The following GNA14 variants were observed in gnomAD, a reference collection of about 807,000 sequenced individuals.
GNA14 encodes the protein guanine nucleotide-binding protein subunit alpha-14.
In GNA14, 50 loss-of-function variants were observed where a neutral mutation model predicts 42.0. The ratio of observed to expected loss-of-function variants is 1.19; its 90% CI spans 0.95 to 1.51. The LOEUF (loss-of-function observed/expected upper bound fraction) is 1.51. Ranked by LOEUF, GNA14 falls within the 40% of genes most tolerant of loss-of-function variation. GNA14 has a pLI of 0.00. For synonymous variants in GNA14, 173 were observed against 163.1 expected (o/e 1.06, Z -0.46); for missense variants, 473 against 446.2 (o/e 1.06, Z -0.54).
At chr9:77,574,040 T>C (rs932894159) in intron 1 of GNA14, among the ~76,000 whole-genome samples, 6 of 152,168 alleles carry the variant, frequency 3.9e-5, no homozygotes, top group African/African-American at 2.4e-5. Flanking sequence ...TATCATGCCA[T>C]GCATCTGTAA....
chr9:77,535,074 T>C (rs1837577377), intron 1 of GNA14, among the ~76,000 whole-genome samples: 1 of 152,168 alleles, frequency 6.6e-6, no homozygotes, highest in South Asian at 2.1e-4. Flanking sequence ...TTGTAATCTT[T>C]AGGAAGGAGC....
intron 1 of GNA14, among the ~76,000 whole-genome samples, chr9:77,544,850 G>C (rs1837701574): frequency 6.6e-6 from 1 of 151,956 alleles, no homozygotes; most frequent in Admixed American, 6.6e-5. Context: ...CCTCATTCTT[G>C]CAGAAACATT....
chr9:77,478,289 GTCCTTGTGATAGTT>G (rs1836470797), intron 2 of GNA14, among the ~76,000 whole-genome samples: 1 of 147,142 alleles, frequency 6.8e-6, no homozygotes, highest in Non-Finnish European at 1.5e-5. Flanking sequence ...TTGGTTTTTT[GTCCTTGTGATAGTT>G]TACTGAGAAT....
At chr9:77,508,576 T>C (rs2131748115) in intron 2 of GNA14, among the ~76,000 whole-genome samples, 1 of 152,294 alleles carries the variant, frequency 6.6e-6, no homozygotes, top group African/African-American at 2.4e-5. Context: ...TGTATATATG[T>C]GTGCGTGAGT....
chr9:77,452,594 G>GTA (rs1835926177), intron 2 of GNA14, among the ~76,000 whole-genome samples: 1 of 624 alleles, frequency 1.6e-3, no homozygotes, highest in Non-Finnish European at 3.1e-3. Flanking sequence ...ATGTGTGTGT[G>GTA]TGGTGTGTAT....
intron 1 of GNA14, among the ~76,000 whole-genome samples, chr9:77,635,720 A>C (rs972539203): frequency 2.0e-5 from 3 of 152,196 alleles, no homozygotes; most frequent in Non-Finnish European, 1.5e-5. Context: ...AATCAATGGC[A>C]TATCTCATAA....
intron 2 of GNA14, among the ~76,000 whole-genome samples, chr9:77,457,117 C>T (rs536372329): frequency 2.1e-4 from 32 of 152,286 alleles, no homozygotes; most frequent in African/African-American, 7.2e-4. Flanking sequence ...TCAGCCAGAA[C>T]GACGTAGCTA....
intron 1 of GNA14, among the ~76,000 whole-genome samples, chr9:77,536,391 C>T (rs571997855): frequency 2.0e-5 from 3 of 152,246 alleles, no homozygotes; most frequent in South Asian, 2.1e-4. Flanking sequence ...CGCTCTGTCG[C>T]GCAGGCTGGA....
At chr9:77,550,795 T>C (rs1292270040) in intron 1 of GNA14, among the ~76,000 whole-genome samples, 4 of 152,212 alleles carry the variant, frequency 2.6e-5, no homozygotes, top group Non-Finnish European at 5.9e-5. Context: ...GGTCAGGTTG[T>C]CCACAGGGGC....
intron 1 of GNA14, among the ~76,000 whole-genome samples, chr9:77,615,960 A>G (rs1823808092): frequency 6.6e-6 from 1 of 151,922 alleles, no homozygotes; most frequent in East Asian, 1.9e-4. Context: ...CATTATGGTC[A>G]CTGAAATACT....
intron 2 of GNA14, among the ~76,000 whole-genome samples, chr9:77,478,996 T>C (rs1459738703): frequency 6.6e-6 from 1 of 152,226 alleles, no homozygotes; most frequent in African/African-American, 2.4e-5. Context: ...ACTCTGATGG[T>C]AGTTTCTTTT....
chr9:77,527,188 C>T (rs1393238908), intron 2 of GNA14, among the ~76,000 whole-genome samples: 1 of 152,184 alleles, frequency 6.6e-6, no homozygotes, highest in Non-Finnish European at 1.5e-5. Flanking sequence ...ACATTCCTGC[C>T]TCTTCACTGA....
intron 5 of GNA14, among the ~76,000 whole-genome samples, chr9:77,427,646 C>G (rs1414992402): frequency 6.6e-6 from 1 of 152,248 alleles, no homozygotes; most frequent in East Asian, 1.9e-4. Context: ...TGTCCCCAAC[C>G]TGACAGAGAA....
intron 2 of GNA14, among the ~76,000 whole-genome samples, chr9:77,525,828 G>A (rs576604346): frequency 5.3e-5 from 8 of 149,598 alleles, no homozygotes; most frequent in East Asian, 4.1e-4. Flanking sequence ...GTGAGCCACC[G>A]CACCCGGCCG....
intron 2 of GNA14, among the ~76,000 whole-genome samples, chr9:77,445,552 GAAAAAAAAAAA>G (rs762651584): frequency 1.4e-4 from 8 of 55,972 alleles, no homozygotes; most frequent in South Asian, 6.9e-4. Context: ...TCTCTAAGAA[GAAAAAAAAAAA>G]AAAAAAAAAA....
intron 1 of GNA14, among the ~76,000 whole-genome samples, chr9:77,585,073 G>T (rs1050086257): frequency 2.6e-5 from 4 of 152,078 alleles, no homozygotes; most frequent in Non-Finnish European, 5.9e-5. Context: ...GAACCATCTG[G>T]AAATGCAGCC....
intron 2 of GNA14, among the ~76,000 whole-genome samples, chr9:77,498,246 G>C (rs1397998658): frequency 6.6e-6 from 1 of 151,762 alleles, no homozygotes; most frequent in Non-Finnish European, 1.5e-5. Context: ...GATGGTGCAG[G>C]CCTGTAATCC....
intron 1 of GNA14, among the ~76,000 whole-genome samples, chr9:77,546,035 G>A (rs1837714872): frequency 6.6e-6 from 1 of 151,932 alleles, no homozygotes; most frequent in South Asian, 2.1e-4. Context: ...GGCCAACACA[G>A]CGAAACCCCG....
intron 1 of GNA14, among the ~76,000 whole-genome samples, chr9:77,608,193 T>C (rs778901011): frequency 6.6e-6 from 1 of 152,216 alleles, no homozygotes; most frequent in Non-Finnish European, 1.5e-5. Flanking sequence ...TTTTCCTTGC[T>C]AGGTTTTGGA....
Sources: gnomAD v4.1 joint callset for allele counts (sites outside exome capture counted in the v4.1 genomes callset) on GRCh38, gnomAD v4.1.1 for gene constraint, MANE v1.5 for transcripts, NCBI Gene and HGNC (gene_info 2026-07-23, HGNC 2026-07-21) for gene names.